SREBF2: variants seen among roughly 807,000 people sequenced by gnomAD.
SREBF2 encodes sterol regulatory element-binding protein 2.
Under a neutral mutation model 113.1 loss-of-function variants are expected in SREBF2, and 55 were observed. The ratio of observed to expected loss-of-function variants is 0.49; its 90% CI spans 0.39 to 0.61. The LOEUF (loss-of-function observed/expected upper bound fraction) is 0.61, where lower values mean the gene tolerates loss of function less well. SREBF2 is among the 20% of genes least tolerant of loss of function. The pLI is 0.00. For synonymous variants in SREBF2, 593 were observed against 605.7 expected, an observed-to-expected ratio of 0.98 and a Z score of 0.31; for missense variants, 1,349 against 1,487.4, an observed-to-expected ratio of 0.91 and a Z score of 1.53.
intron 1 of SREBF2, among the ~76,000 whole-genome samples, chr22:41,847,302 A>G (rs961702297): frequency 3.9e-5 from 6 of 152,142 alleles, no homozygotes; most frequent in African/African-American, 4.8e-5. Context: ...GTGAAATGTG[A>G]GGGCCTCCTT....
chr22:41,900,241 G>C (rs1324748095), intron 15 of SREBF2, 89 bp from the exon 16 acceptor site: 1 of 1,570,762 alleles, frequency 6.4e-7, no homozygotes, highest in Admixed American at 1.8e-5. Context: ...TATCAGTGTG[G>C]GGCGTGGCAG....
At chr22:41,845,613 CAG>C (rs1035197968) in intron 1 of SREBF2, among the ~76,000 whole-genome samples, 2 of 152,166 alleles carry the variant, frequency 1.3e-5, no homozygotes, top group Admixed American at 1.3e-4. Flanking sequence ...GAGGCTATAA[CAG>C]AGGAACAACT....
intron 11 of SREBF2, among the ~76,000 whole-genome samples, chr22:41,888,630 T>G (rs1474457183): frequency 6.6e-6 from 1 of 152,222 alleles, no homozygotes; most frequent in African/African-American, 2.4e-5. Flanking sequence ...TTGATGCTGC[T>G]GATGGACATT....
intron 11 of SREBF2, 127 bp from the exon 12 acceptor site, chr22:41,892,990 T>C (rs6002524): frequency 1.7e-5 from 20 of 1,151,802 alleles, no homozygotes; most frequent in Non-Finnish European, 2.3e-5. Flanking sequence ...GGGAGTCCTA[T>C]CCCTGTGCTG....
chr22:41,885,029 C>G lies in SREBF2; in HGVS notation c.2208+18C>G. 6.2e-7 allele frequency: 1 copy of G among 1,613,634 alleles called. No homozygotes were observed. Among genetic ancestry groups the G allele is most frequent in the Non-Finnish European group, 8.5e-7 (1 of 1,179,892 alleles). ...TCCTGGCCGTGAGTACCCTTCGGTT[C>G]CCTTCTGTAAACCTCCCCTGAGCAC... On this transcript the variant is annotated intron_variant, in intron 11 of 18. Transcript: ENST00000361204.
chr22:41,892,720 C>T (rs971837200), intron 11 of SREBF2, among the ~76,000 whole-genome samples: 7 of 151,992 alleles, frequency 4.6e-5, no homozygotes, highest in African/African-American at 7.3e-5. Context: ...TTGGCACTCT[C>T]GGGGCCGAGG....
At chr22:41,870,376 C>A (rs1161472537) in intron 3 of SREBF2, among the ~76,000 whole-genome samples, 1 of 152,122 alleles carries the variant, frequency 6.6e-6, no homozygotes, top group Non-Finnish European at 1.5e-5. Context: ...GTAATCTCAG[C>A]ACTTTGGGAG....
chr22:41,865,826 A>T (rs2077069635), intron 1 of SREBF2, among the ~76,000 whole-genome samples: 1 of 152,154 alleles, frequency 6.6e-6, no homozygotes, highest in Non-Finnish European at 1.5e-5. Context: ...GGAGGCAGAG[A>T]ACTGGTTCTA....
rs374502142 is a variant in SREBF2 at position 41,902,953 on chromosome 22, C to T, written c.2908-17C>T. On this transcript the variant is annotated splice_polypyrimidine_tract_variant and intron_variant, in intron 16 of 18. Transcript: ENST00000361204. ...GGCCAGTCACCTGTCTCCCCTCTCTCGTGGCTGACCCCACAGGTGGTCCAG... is the reference window on the plus strand; with the variant it reads ...GGCCAGTCACCTGTCTCCCCTCTCTTGTGGCTGACCCCACAGGTGGTCCAG... 5.6e-5 allele frequency: 90 copies of T among 1,605,314 alleles called. No individual in the cohort carries two copies. The African/African-American group carries it at 1.0e-3, about 19-fold the overall frequency.
chr22:41,864,459 T>C (rs539828692), intron 1 of SREBF2, among the ~76,000 whole-genome samples: 40 of 150,540 alleles, frequency 2.7e-4, no homozygotes, highest in African/African-American at 9.3e-4. Flanking sequence ...TAGCTTGGAC[T>C]ACAGGCGCCC....
In SREBF2 at chr22:41,880,720, A is replaced by C. The variant is rs145509288; in HGVS notation, c.1766A>C (p.Asp589Ala). The change falls in exon 10 of 19, where the codon GAT becomes GCT. Residue 589 changes from aspartate to alanine, a missense_variant. Asp to Ala is a moderately radical substitution (Grantham distance 126). Transcript: ENST00000361204. ...ACACCTTTTGATACTTTGTAGGGAG[A>C]TTTTGCAGCTGCTGCCGGCAACCTA... ...KQADLDLARG[D>A]FAAAAGNLQT... 7.4e-5 allele frequency: 120 copies of C among 1,614,010 alleles called. No homozygotes were observed. The highest frequency in any genetic ancestry group is 3.3e-5 in the Admixed American group (2 of 60,000).
Position 41,867,391 on chromosome 22 carries a change from T to C in SREBF2, c.538+111T>C, listed in dbSNP as rs974238149. 3.4e-6 allele frequency: 4 copies of C among 1,173,002 alleles called. No homozygotes were observed. In the African/African-American group the frequency reaches 4.5e-5, roughly 13 times the overall value. 72.7% of individuals were successfully genotyped at this position (1,173,002 alleles called of 1,614,324 possible). A position where few individuals can be genotyped will look rare whatever the true frequency, so the allele number is the denominator to read the frequency against. ...TTCAGGAATGGCAGGTATATCAATA[T>C]GGTCCTGTCTGAATGAGGTTCTGGT... On this transcript the variant is annotated intron_variant, in intron 2 of 18. Transcript: ENST00000361204.
chr22:41,876,369 A>T (rs1180843215), intron 7 of SREBF2, among the ~76,000 whole-genome samples: 5 of 152,184 alleles, frequency 3.3e-5, no homozygotes, highest in South Asian at 4.1e-4. Flanking sequence ...TTATTGTATC[A>T]TATACTTAAT....
chr22:41,859,264 T>C (rs888265016), intron 1 of SREBF2, among the ~76,000 whole-genome samples: 4 of 152,074 alleles, frequency 2.6e-5, no homozygotes, highest in Admixed American at 6.6e-5. Context: ...GGGAAGTAAG[T>C]GTCATTAGGT....
chr22:41,899,099 C>A, intron 15 of SREBF2: 3 of 693,934 alleles, frequency 4.3e-6, no homozygotes, highest in Non-Finnish European at 4.1e-6. Flanking sequence ...TGGCCCCCAG[C>A]ATCTTCAGAA....
intron 1 of SREBF2, 29 bp from the exon 2 acceptor site, chr22:41,866,802 T>C (rs2077080232): frequency 6.2e-7 from 1 of 1,613,206 alleles, no homozygotes; most frequent in African/African-American, 1.3e-5. Context: ...TGGATAGCAA[T>C]AAAATTACTC....
At chr22:41,879,087 C>G (rs890815296) in intron 9 of SREBF2, among the ~76,000 whole-genome samples, 2 of 152,098 alleles carry the variant, frequency 1.3e-5, no homozygotes, top group Non-Finnish European at 2.9e-5. Flanking sequence ...TCCTGAACTC[C>G]TAGGCTCAAG....
rs894238012 is a variant in SREBF2 at position 41,875,461 on chromosome 22, C to T, written c.1204+10C>T. On this transcript the variant is annotated intron_variant, in intron 6 of 18. Coordinates refer to ENST00000361204, the MANE Select transcript of SREBF2 (RefSeq NM_004599.4). ...GCAAATCAAAAGAACAGTAAGTGTG[C>T]TGAGAAAAGGCTTGTCAGCCCTGGC... 5.6e-6 allele frequency: 9 copies of T among 1,614,076 alleles called. No homozygotes were observed. The African/African-American group carries it at 9.3e-5, about 17-fold the overall frequency.
chr22:41,889,643 C>T (rs1292983255), intron 11 of SREBF2, among the ~76,000 whole-genome samples: 1 of 151,104 alleles, frequency 6.6e-6, no homozygotes, highest in African/African-American at 2.4e-5. Context: ...TATGGTCACA[C>T]CTGTGAATAG....
Sources: gnomAD v4.1 joint callset for allele counts (sites outside exome capture counted in the v4.1 genomes callset) on GRCh38, gnomAD v4.1.1 for gene constraint, MANE v1.5 for transcripts, NCBI Gene and HGNC (gene_info 2026-07-23, HGNC 2026-07-21) for gene names.